SMAD7: variants seen among roughly 807,000 people sequenced by gnomAD.
SMAD7 encodes SMAD family member 7, also known as MAD (mothers against decapentaplegic, Drosophila) homolog 7.
In SMAD7, 8 loss-of-function variants were observed where a neutral mutation model predicts 38.7. The observed-to-expected ratio is 0.21, with a 90% confidence interval of 0.12 to 0.37. The LOEUF is 0.37. SMAD7 is among the 10% of genes least tolerant of loss of function. SMAD7 has a pLI of 1.00. For synonymous variants in SMAD7, 327 were observed against 265.1 expected (o/e 1.23, Z -2.27); for missense variants, 477 against 577.9 (o/e 0.83, Z 1.79).
At chr18:48,922,449 C>G (rs6507875) in intron 3 of SMAD7, among the ~76,000 whole-genome samples, 69,200 of 151,796 alleles carry the variant, frequency 0.46, 16,227 homozygotes, top group East Asian at 0.69. Flanking sequence ...ACCACCTATG[C>G]GATGGTCTCT....
At chr18:48,942,251 CTT>C (rs1330655786) in intron 3 of SMAD7, among the ~76,000 whole-genome samples, 1 of 152,340 alleles carries the variant, frequency 6.6e-6, no homozygotes, top group East Asian at 1.9e-4. Flanking sequence ...CCAGCTCGCT[CTT>C]GTCTCCCCGT....
Position 48,950,444 on chromosome 18 carries a change from A to G in SMAD7, c.-20T>C. 6.5e-7 allele frequency: 1 copy of G among 1,542,454 alleles called. No homozygotes were observed. The highest frequency in any genetic ancestry group is 1.4e-5 in the African/African-American group (1 of 70,304). Reference sequence around the variant, plus strand: ...GAACATGCGGGGCGAGGAGGCGAGGAGAAAAGTCGTTTGCCTGCTAAGGAG... The same window carrying G: ...GAACATGCGGGGCGAGGAGGCGAGGGGAAAAGTCGTTTGCCTGCTAAGGAG... On this transcript the variant is annotated 5_prime_UTR_variant, in exon 1 of 4. Transcript: ENST00000262158.
At chr18:48,945,882 A>C (rs964527657) in intron 2 of SMAD7, among the ~76,000 whole-genome samples, 2 of 152,080 alleles carry the variant, frequency 1.3e-5, no homozygotes, top group African/African-American at 4.8e-5. Flanking sequence ...TGGGATGTGG[A>C]GGTGGGGGTG....
chr18:48,949,717 CT>C, intron 1 of SMAD7, 94 bp downstream of exon 1: 2 of 1,384,926 alleles, frequency 1.4e-6, no homozygotes, highest in Non-Finnish European at 1.9e-6. Flanking sequence ...CACACTCCCC[CT>C]GGAGGGATGG....
chr18:48,932,627 G>C (rs146739221), intron 3 of SMAD7, among the ~76,000 whole-genome samples: 2 of 152,132 alleles, frequency 1.3e-5, no homozygotes, highest in Admixed American at 6.6e-5. Flanking sequence ...GGAAGCCATC[G>C]GTTGGCCCCG....
chr18:48,926,509 G>A (rs1049009194), intron 3 of SMAD7, among the ~76,000 whole-genome samples: 8 of 152,232 alleles, frequency 5.3e-5, no homozygotes, highest in South Asian at 4.1e-4. Flanking sequence ...ACAGGGCCAC[G>A]GGCCTATCAG....
At chr18:48,947,046 C>T (rs2070202520) in intron 2 of SMAD7, among the ~76,000 whole-genome samples, 1 of 152,206 alleles carries the variant, frequency 6.6e-6, no homozygotes, top group East Asian at 1.9e-4. Context: ...ATTCTTGATT[C>T]TTTAAGCCAA....
At chr18:48,945,626 C>T (rs1170865171) in intron 2 of SMAD7, among the ~76,000 whole-genome samples, 2 of 152,126 alleles carry the variant, frequency 1.3e-5, no homozygotes, top group Non-Finnish European at 2.9e-5. Flanking sequence ...TTAAGAGGGA[C>T]CTCGGTTAAG....
chr18:48,936,356 T>TA (rs2143792148), intron 3 of SMAD7, among the ~76,000 whole-genome samples: 1 of 152,296 alleles, frequency 6.6e-6, no homozygotes, highest in Non-Finnish European at 1.5e-5. Flanking sequence ...AAACTTGTGG[T>TA]AAAATACACA....
chr18:48,946,297 T>C (rs1340583021), intron 2 of SMAD7, among the ~76,000 whole-genome samples: 1 of 152,238 alleles, frequency 6.6e-6, no homozygotes. Context: ...ATGGTCCATG[T>C]AGATTCCCGG....
At position 48,950,208 on chromosome 18, in the gene SMAD7, G is replaced by T; in HGVS notation, c.217C>A (p.His73Asn). Reference protein sequence around the residue: ...GKAVRGAKGHHHPHPPAAGAG... With the variant: ...GKAVRGAKGHNHPHPPAAGAG... ...CCCGCGGCTGGCGGGTGGGGATGGTGGTGACCTTTGGCACCTCGCACCGCC... is the reference window on the plus strand; with the variant it reads ...CCCGCGGCTGGCGGGTGGGGATGGTTGTGACCTTTGGCACCTCGCACCGCC... The change falls in exon 1 of 4, where the codon CAC (histidine) becomes AAC (asparagine). Residue 73 changes from histidine to asparagine, a missense_variant. Around this residue, in one of 2 missense-constraint regions of SMAD7, gnomAD observed 376 missense variants for 379.4 expected, o/e 0.99. Coordinates refer to ENST00000262158, the MANE Select transcript of SMAD7 (RefSeq NM_005904.4). The T allele has an allele frequency of 4.0e-6, 6 of 1,497,494 alleles. No individual in the cohort carries two copies. Among genetic ancestry groups the T allele is most frequent in the Non-Finnish European group, 5.3e-6 (6 of 1,128,428 alleles). The allele number at this position is 1,497,494 out of a possible 1,614,324, so 92.8% of individuals were successfully genotyped here. A position where few individuals can be genotyped will look rare whatever the true frequency, so the allele number is the denominator to read the frequency against.
At chr18:48,934,028 C>A (rs1483640396) in intron 3 of SMAD7, among the ~76,000 whole-genome samples, 1 of 152,348 alleles carries the variant, frequency 6.6e-6, no homozygotes, top group East Asian at 1.9e-4. Context: ...GGCCGGGGCA[C>A]TGTCCCATGC....
intron 3 of SMAD7, among the ~76,000 whole-genome samples, chr18:48,934,731 C>T (rs567840058): frequency 9.2e-5 from 14 of 151,498 alleles, no homozygotes; most frequent in East Asian, 3.9e-4. Context: ...CAGCCTCTTT[C>T]TTAAAGAAAA....
intron 3 of SMAD7, among the ~76,000 whole-genome samples, chr18:48,938,819 G>A (rs2070101372): frequency 6.6e-6 from 1 of 152,154 alleles, no homozygotes; most frequent in Non-Finnish European, 1.5e-5. Flanking sequence ...TGAGCCTAGA[G>A]GCTTCCCAGC....
rs375582985 is a variant in SMAD7, at chr18:48,949,963, C to T, written c.462G>A (p.Ser154=). 16 of 1,609,134 alleles carry T rather than the reference C, an allele frequency of 9.9e-6. No individual in the cohort carries two copies. In the African/African-American group the frequency reaches 1.2e-4, roughly 12 times the overall value. Residue 154 remains serine, a synonymous_variant, in exon 1 of 4, where the codon TCG becomes TCA. Transcript: ENST00000262158. The part of the protein sequence containing the change: ...AQPAQPPSSY[S]LPLLLCKVFR... ...ACACTTTGCACAGCAGGAGGGGGAG[C>T]GAGTAGGACGAGGGCGGCTGCGCAG...
Position 48,949,704 on chromosome 18 carries a change from A to G in SMAD7, c.613+108T>C, listed in dbSNP as rs149563164. The G allele has an allele frequency of 7.9e-3, 9,531 of 1,210,044 alleles. 52 individuals carry two copies. The highest frequency in any genetic ancestry group is 9.3e-3 in the Non-Finnish European group (8,195 of 880,390). The allele number at this position is 1,210,044 out of a possible 1,614,324, so 75.0% of individuals were successfully genotyped here. ...GGTATGCACACTCTCCCAGGAGGGT[A>G]TGCACACTCCCCCTGGAGGGATGGC... On this transcript the variant is annotated intron_variant, in intron 1 of 3. Coordinates refer to ENST00000262158, the MANE Select transcript of SMAD7 (RefSeq NM_005904.4).
intron 3 of SMAD7, among the ~76,000 whole-genome samples, chr18:48,927,592 G>C (rs1478923006): frequency 1.3e-5 from 2 of 152,158 alleles, no homozygotes; most frequent in African/African-American, 4.8e-5. Context: ...CCTAAAACAG[G>C]GTTCCCCCAA....
At chr18:48,939,024 G>A (rs981183685) in intron 3 of SMAD7, among the ~76,000 whole-genome samples, 13 of 152,172 alleles carry the variant, frequency 8.5e-5, no homozygotes, top group Middle Eastern at 3.4e-3. Context: ...TGGAGAGGCC[G>A]CCCTGACATC....
chr18:48,924,271 G>A (rs533495905), intron 3 of SMAD7, among the ~76,000 whole-genome samples: 22 of 152,290 alleles, frequency 1.4e-4, no homozygotes, highest in African/African-American at 5.1e-4. Context: ...TTTGTTTCAT[G>A]CAGCCAGGAC....
Sources: allele counts gnomAD v4.1 joint callset (sites outside exome capture counted in the v4.1 genomes callset), GRCh38; gene constraint gnomAD v4.1.1; regional missense constraint gnomAD v4.1.1; transcripts MANE v1.5; gene names NCBI Gene and HGNC (gene_info 2026-07-23, HGNC 2026-07-21).